The following ADAM22 variants were observed in gnomAD, a reference collection of about 807,000 sequenced individuals.
ADAM22 encodes ADAM metallopeptidase domain 22.
A neutral mutation model predicts 144.6 loss-of-function variants in ADAM22; 65 were observed. That is an observed-to-expected ratio of 0.45 (90% CI 0.37 to 0.55). The LOEUF is 0.55. Among genes scored for constraint, ADAM22 ranks in the 20% least tolerant of loss-of-function variants. The pLI is 0.00. For missense variants in ADAM22, 974 were observed against 1,184.9 expected, an observed-to-expected ratio of 0.82 and a Z score of 2.61; for synonymous variants, 391 against 412.6, an observed-to-expected ratio of 0.95 and a Z score of 0.63.
intron 3 of ADAM22, among the ~76,000 whole-genome samples, chr7:87,985,076 G>A (rs1448270217): frequency 6.6e-6 from 1 of 151,504 alleles, no homozygotes; most frequent in African/African-American, 2.4e-5. Flanking sequence ...CACTTTGGGA[G>A]GCTGAGGCGG....
Position 88,181,947 on chromosome 7 carries a change from G to T in ADAM22, c.2597-11G>T, listed in dbSNP as rs376036936. 6.2e-7 allele frequency: 1 copy of T among 1,611,908 alleles called. No homozygotes were observed. The highest frequency in any genetic ancestry group is 1.3e-5 in the African/African-American group (1 of 74,754). On this transcript the variant is annotated splice_polypyrimidine_tract_variant and intron_variant, in intron 28 of 31. Transcript: ENST00000413139. ...TTACATGGAAATCTAGCTCTAAACC[G>T]TCTTTTTCAGGTAACCTGGGAGGCA...
chr7:88,152,275 C>A (rs10242200), intron 20 of ADAM22, among the ~76,000 whole-genome samples: 22,728 of 151,970 alleles, frequency 0.15, 3,127 homozygotes, highest in African/African-American at 0.36. Flanking sequence ...TAAAAATATA[C>A]CAACAATTAT....
chr7:88,154,220 T>C (rs1839250902), intron 21 of ADAM22, among the ~76,000 whole-genome samples: 2 of 152,226 alleles, frequency 1.3e-5, no homozygotes, highest in South Asian at 4.1e-4. Flanking sequence ...CTCTTCACCA[T>C]TTTGCTGAAT....
chr7:88,112,621 G>C (rs1826344330), intron 5 of ADAM22, among the ~76,000 whole-genome samples: 1 of 152,220 alleles, frequency 6.6e-6, no homozygotes, highest in African/African-American at 2.4e-5. Flanking sequence ...CTGAGTGGGA[G>C]CTGAGGCCAT....
At position 88,134,433 on chromosome 7, in the gene ADAM22, C is replaced by G. The variant is rs1563292758; in HGVS notation, c.1168+14C>G. 2 of 1,564,720 alleles carry G rather than the reference C, an allele frequency of 1.3e-6. No individual in the cohort carries two copies. The highest frequency in any genetic ancestry group is 2.3e-5 in the South Asian group (2 of 87,298). ...AGTTAGCAAGTGGTAAGTTTTAGTA[C>G]ATGTGTGGTTAGTTGTATTTAAAAT... is the stretch of plus-strand genomic sequence containing the variant. On this transcript the variant is annotated intron_variant, in intron 13 of 31. Coordinates refer to ENST00000413139, the MANE Select transcript of ADAM22 (RefSeq NM_001324418.2).
chr7:88,009,905 C>T (rs1312759448), intron 3 of ADAM22, among the ~76,000 whole-genome samples: 3 of 152,162 alleles, frequency 2.0e-5, no homozygotes. Flanking sequence ...CTAAGGCCAG[C>T]AGTAACTTTA....
intron 2 of ADAM22, among the ~76,000 whole-genome samples, chr7:87,938,069 T>C (rs1348279650): frequency 1.3e-5 from 2 of 152,196 alleles, no homozygotes; most frequent in Non-Finnish European, 2.9e-5. Flanking sequence ...AGGAGTTTTC[T>C]TGCACTATTG....
At chr7:88,062,557 A>G (rs536153339) in intron 3 of ADAM22, among the ~76,000 whole-genome samples, 5 of 152,332 alleles carry the variant, frequency 3.3e-5, no homozygotes, top group Admixed American at 1.3e-4. Flanking sequence ...TATCAGCAAT[A>G]AGGCTGTTTT....
chr7:87,945,804 C>T (rs111258088), intron 2 of ADAM22, among the ~76,000 whole-genome samples: 27 of 152,290 alleles, frequency 1.8e-4, no homozygotes, highest in African/African-American at 6.3e-4. Flanking sequence ...TGAACCACCA[C>T]GCCCGGCTGA....
rs115027670 is a variant in ADAM22 at position 88,034,154 on chromosome 7, T to C, written c.324-41472T>C. Among the ~76,000 whole-genome samples the C allele has an allele frequency of 2.9e-3, 439 of 152,030 alleles. 4 individuals are homozygous for C. Among genetic ancestry groups the C allele is most frequent in the African/African-American group, 0.01 (426 of 41,474 alleles). On this transcript the variant is annotated intron_variant, in intron 3 of 31. Coordinates refer to ENST00000413139, the MANE Select transcript of ADAM22 (RefSeq NM_001324418.2). Reference sequence around the variant, plus strand: ...GCCACCATAGCTGGGAATGTGCTAGTGAAGTCAGCACATCTCAGAGTCTCA... The same window carrying C: ...GCCACCATAGCTGGGAATGTGCTAGCGAAGTCAGCACATCTCAGAGTCTCA...
chr7:88,141,491 A>G (rs528293435), intron 14 of ADAM22, among the ~76,000 whole-genome samples: 1 of 152,330 alleles, frequency 6.6e-6, no homozygotes, highest in Non-Finnish European at 1.5e-5. Context: ...CAGTTTTTGC[A>G]GGCTACTGGG....
intron 14 of ADAM22, among the ~76,000 whole-genome samples, chr7:88,140,848 T>G (rs1388453056): frequency 6.6e-6 from 1 of 151,796 alleles, no homozygotes; most frequent in Non-Finnish European, 1.5e-5. Flanking sequence ...AAAAAGAAAA[T>G]GCAGGTTTTG....
intron 4 of ADAM22, among the ~76,000 whole-genome samples, chr7:88,076,330 G>A (rs906118753): frequency 2.6e-5 from 4 of 152,154 alleles, no homozygotes; most frequent in Admixed American, 6.5e-5. Flanking sequence ...GAGCCAACGC[G>A]CCTGGGAAAC....
intron 3 of ADAM22, among the ~76,000 whole-genome samples, chr7:88,034,316 C>T (rs544034244): frequency 1.0e-3 from 158 of 152,172 alleles, no homozygotes; most frequent in African/African-American, 3.6e-3. Flanking sequence ...TTTGGGATAG[C>T]GTGTGTCTAG....
At chr7:88,105,741 A>G (rs1292654212) in intron 4 of ADAM22, among the ~76,000 whole-genome samples, 1 of 152,204 alleles carries the variant, frequency 6.6e-6, no homozygotes, top group African/African-American at 2.4e-5. Flanking sequence ...CTCCCCAGGT[A>G]GACAACCATA....
intron 18 of ADAM22, among the ~76,000 whole-genome samples, chr7:88,150,214 C>T (rs1038814107): frequency 6.6e-6 from 1 of 152,158 alleles, no homozygotes; most frequent in East Asian, 1.9e-4. Context: ...TTCTGTAACT[C>T]CATTTACAAG....
intron 23 of ADAM22, 112 bp from the exon 24 acceptor site, chr7:88,165,720 A>C: frequency 1.6e-6 from 1 of 608,370 alleles, no homozygotes; most frequent in South Asian, 2.6e-5. Flanking sequence ...CATACTAATA[A>C]TTTTTTGGAA....
At chr7:88,160,245 A>C (rs1841202010) in intron 22 of ADAM22, among the ~76,000 whole-genome samples, 1 of 152,192 alleles carries the variant, frequency 6.6e-6, no homozygotes, top group Non-Finnish European at 1.5e-5. Flanking sequence ...CTGCTCAAAG[A>C]AATCAGAGAT....
chr7:88,171,908 G>A (rs1844426893), intron 26 of ADAM22, among the ~76,000 whole-genome samples: 1 of 151,530 alleles, frequency 6.6e-6, no homozygotes, highest in Non-Finnish European at 1.5e-5. Flanking sequence ...ATTAATATTA[G>A]CTTTTCTTCA....
Sources: gnomAD v4.1 joint callset for allele counts (sites outside exome capture counted in the v4.1 genomes callset) on GRCh38, gnomAD v4.1.1 for gene constraint, MANE v1.5 for transcripts, NCBI Gene and HGNC (gene_info 2026-07-23, HGNC 2026-07-21) for gene names.